The following DLG2 variants were observed in gnomAD, a reference collection of about 807,000 sequenced individuals.
DLG2 encodes disks large homolog 2.
A neutral mutation model predicts 132.5 loss-of-function variants in DLG2; 45 were observed. That is an observed-to-expected ratio of 0.34 (90% confidence interval 0.27 to 0.44). The LOEUF (loss-of-function observed/expected upper bound fraction) is 0.44. Among genes scored for constraint, DLG2 ranks in the 20% least tolerant of loss-of-function variants. The pLI, the probability that DLG2 is intolerant of heterozygous loss-of-function variation, is 1.00. For synonymous variants in DLG2, 424 were observed against 419.6 expected (o/e 1.01, Z -0.13); for missense variants, 1,045 against 1,196.9 (o/e 0.87, Z 1.87).
chr11:85,024,516 T>C (rs1028150770), intron 6 of DLG2, among the ~76,000 whole-genome samples: 1 of 152,154 alleles, frequency 6.6e-6, no homozygotes, highest in Non-Finnish European at 1.5e-5. Flanking sequence ...AAAGCAACTT[T>C]TTGCCTCTGC....
chr11:84,421,870 G>C (rs958792724), intron 7 of DLG2, among the ~76,000 whole-genome samples: 1 of 152,080 alleles, frequency 6.6e-6, no homozygotes, highest in South Asian at 2.1e-4. Context: ...ATCCCTCACC[G>C]CTTCTGCCTG....
intron 16 of DLG2, among the ~76,000 whole-genome samples, chr11:83,859,472 C>T (rs2061083125): frequency 1.3e-5 from 2 of 152,174 alleles, no homozygotes. Context: ...TTTGCCCCTG[C>T]CCTAGAGATT....
intron 6 of DLG2, among the ~76,000 whole-genome samples, chr11:84,550,113 T>TAC (rs1369393455): frequency 2.4e-5 from 3 of 125,954 alleles, no homozygotes; most frequent in East Asian, 2.3e-4. Context: ...AAAACGAGCC[T>TAC]ATACACACAC....
intron 21 of DLG2, among the ~76,000 whole-genome samples, chr11:83,512,156 C>T (rs1592181909): frequency 1.3e-5 from 2 of 152,252 alleles, no homozygotes; most frequent in East Asian, 1.9e-4. Flanking sequence ...ACTAGCAAAG[C>T]ACAGTTCAGG....
chr11:84,330,153 C>T (rs1248101032), intron 7 of DLG2, among the ~76,000 whole-genome samples: 1 of 152,206 alleles, frequency 6.6e-6, no homozygotes, highest in Non-Finnish European at 1.5e-5. Flanking sequence ...CTCCCTATTT[C>T]CATTGTAATT....
intron 4 of DLG2, among the ~76,000 whole-genome samples, chr11:85,235,329 T>C (rs2075527122): frequency 6.6e-6 from 1 of 151,968 alleles, no homozygotes; most frequent in African/African-American, 2.4e-5. Flanking sequence ...TGGGCTTATA[T>C]TGGGATATTG....
Position 85,126,318 on chromosome 11 carries a change from A to G in DLG2, c.283-14583T>C, listed in dbSNP as rs371502399. Among the ~76,000 whole-genome samples, 15 of 152,244 alleles carry G rather than the reference A, an allele frequency of 9.9e-5. No homozygotes were observed. The East Asian group carries it at 1.3e-3, about 14-fold the overall frequency. ...TCAAAAGAGAATCGTATACTTTGGT[A>G]AGAATTTGTGTAACTACTCATCTTT... On this transcript the variant is annotated intron_variant, in intron 5 of 27. Transcript: ENST00000376104.
At chr11:84,238,055 A>G (rs2097181258) in intron 8 of DLG2, among the ~76,000 whole-genome samples, 1 of 151,208 alleles carries the variant, frequency 6.6e-6, no homozygotes, top group African/African-American at 2.4e-5. Context: ...AAAAAAAAAA[A>G]AAAAAAAAAG....
intron 6 of DLG2, among the ~76,000 whole-genome samples, chr11:84,913,258 A>T (rs1282623204): frequency 6.6e-6 from 1 of 152,220 alleles, no homozygotes; most frequent in Non-Finnish European, 1.5e-5. Context: ...GGGTGTTGAG[A>T]CAATGTTAGG....
intron 7 of DLG2, among the ~76,000 whole-genome samples, chr11:84,287,377 C>T (rs2097920057): frequency 6.6e-6 from 1 of 152,078 alleles, no homozygotes; most frequent in African/African-American, 2.4e-5. Flanking sequence ...TTGGACTGTG[C>T]CTGTGATTAT....
intron 19 of DLG2, among the ~76,000 whole-genome samples, chr11:83,603,919 T>C (rs915723219): frequency 2.6e-5 from 4 of 152,334 alleles, no homozygotes; most frequent in African/African-American, 7.2e-5. Flanking sequence ...TGTTCTCTTT[T>C]ATTTTCAATT....
chr11:85,176,217 T>C lies in DLG2; in HGVS notation c.187-21566A>G, dbSNP rs182441909. Among the ~76,000 whole-genome samples the C allele has an allele frequency of 1.5e-3, 224 of 152,200 alleles. 1 individual carries two copies. The highest frequency in any genetic ancestry group is 5.2e-3 in the African/African-American group (216 of 41,502). ...CAGACTACCTGACTTCAAACTATAC[T>C]ACAGGGCTACAACAACCAAAACAGC... On this transcript the variant is annotated intron_variant, in intron 4 of 27. Coordinates refer to ENST00000376104, the MANE Select transcript of DLG2 (RefSeq NM_001142699.3).
intron 6 of DLG2, among the ~76,000 whole-genome samples, chr11:84,603,584 T>C (rs2099580451): frequency 6.6e-6 from 1 of 151,996 alleles, no homozygotes; most frequent in African/African-American, 2.4e-5. Flanking sequence ...GGTTCAAAAC[T>C]AGTCACTCAT....
At chr11:84,928,982 G>GTGTGTGTGTGTGTATATATATA (rs1400906684) in intron 6 of DLG2, among the ~76,000 whole-genome samples, 9 of 49,116 alleles carry the variant, frequency 1.8e-4, no homozygotes, top group Non-Finnish European at 2.5e-4. Flanking sequence ...GTGTGTGTGT[G>GTGTGTGTGTGTGTATATATATA]TATATATATA....
chr11:84,503,768 C>T (rs117197089), intron 7 of DLG2, among the ~76,000 whole-genome samples: 1,650 of 152,320 alleles, frequency 0.011, 13 homozygotes, highest in Non-Finnish European at 0.015. Context: ...CCCAGACCTA[C>T]TCAAAAACTA....
chr11:85,477,623 T>A (rs1024930464), intron 3 of DLG2, among the ~76,000 whole-genome samples: 2 of 152,224 alleles, frequency 1.3e-5, no homozygotes, highest in Non-Finnish European at 2.9e-5. Flanking sequence ...GGTAGGGGTA[T>A]GTATAATCAG....
At chr11:84,812,913 T>C (rs1420677275) in intron 6 of DLG2, among the ~76,000 whole-genome samples, 1 of 152,134 alleles carries the variant, frequency 6.6e-6, no homozygotes. Context: ...TGGCTCACTG[T>C]GTGGCCACAA....
intron 8 of DLG2, among the ~76,000 whole-genome samples, chr11:84,231,543 T>C (rs774737595): frequency 6.6e-6 from 1 of 152,126 alleles, no homozygotes; most frequent in Non-Finnish European, 1.5e-5. Context: ...AGAAGGGCTA[T>C]TGTGTTCATG....
At chr11:85,196,696 A>G (rs531593674) in intron 4 of DLG2, among the ~76,000 whole-genome samples, 1 of 152,352 alleles carries the variant, frequency 6.6e-6, no homozygotes, top group East Asian at 1.9e-4. Context: ...ATTAGAATTC[A>G]GGACATTTTA....
Sources: gnomAD v4.1 joint callset for allele counts (sites outside exome capture counted in the v4.1 genomes callset) on GRCh38, gnomAD v4.1.1 for gene constraint, MANE v1.5 for transcripts, NCBI Gene and HGNC (gene_info 2026-07-23, HGNC 2026-07-21) for gene names.